CIAO2A: variants seen among roughly 807,000 people sequenced by gnomAD.
The protein encoded by CIAO2A is MIP18 family protein FAM96A.
In CIAO2A, 17 loss-of-function variants were observed where a neutral mutation model predicts 22.4. The observed-to-expected ratio is 0.76, with a 90% CI of 0.52 to 1.14. The LOEUF (loss-of-function observed/expected upper bound fraction) is 1.14. Ranked by LOEUF, CIAO2A falls within the 50% of genes most tolerant of loss-of-function variation. The pLI is 0.00. For missense variants in CIAO2A, 192 were observed against 191.4 expected (o/e 1.00, Z -0.02); for synonymous variants, 74 against 72.3 (o/e 1.02, Z -0.12).
At chr15:64,077,804 G>T (rs1446108571) in intron 3 of CIAO2A, among the ~76,000 whole-genome samples, 4 of 152,196 alleles carry the variant, frequency 2.6e-5, no homozygotes, top group Admixed American at 2.6e-4. Context: ...CAGGAGGAGG[G>T]ACCGCCATGA....
In CIAO2A at chr15:64,072,864, G is replaced by C; in HGVS notation, c.*67C>G. On this transcript the variant is annotated 3_prime_UTR_variant, in exon 5 of 5. Coordinates refer to ENST00000300030, the MANE Select transcript of CIAO2A (RefSeq NM_032231.7). ...ACCTATGTATTAAACATGAGTCTCT[G>C]ACATTATACAAAGAGTTTAAACAAA... is the stretch of plus-strand genomic sequence containing the variant. 9.5e-7 allele frequency: 1 copy of C among 1,052,266 alleles called. No homozygotes were observed. Among genetic ancestry groups the C allele is most frequent in the South Asian group, 1.4e-5 (1 of 72,408 alleles). The allele number at this position is 1,052,266 out of a possible 1,614,324, so 65.2% of individuals were successfully genotyped here. A position where few individuals can be genotyped will look rare whatever the true frequency, so the allele number is the denominator to read the frequency against.
At chr15:64,079,140 T>TA (rs376406917) in intron 3 of CIAO2A, among the ~76,000 whole-genome samples, 122 of 141,718 alleles carry the variant, frequency 8.6e-4, no homozygotes, top group East Asian at 7.2e-3. Context: ...ATACAAAAAA[T>TA]AAAAAAAAAA....
At chr15:64,090,701 T>G (rs1220681191) in intron 1 of CIAO2A, among the ~76,000 whole-genome samples, 2 of 152,194 alleles carry the variant, frequency 1.3e-5, no homozygotes, top group Non-Finnish European at 2.9e-5. Context: ...GTGCGTGCGC[T>G]GAAGCCAGCT....
At chr15:64,087,343 G>A (rs956772941) in intron 2 of CIAO2A, among the ~76,000 whole-genome samples, 8 of 151,794 alleles carry the variant, frequency 5.3e-5, no homozygotes, top group African/African-American at 1.2e-4. Context: ...TGCCCGCCTC[G>A]GCCACCTAAA....
Position 64,093,759 on chromosome 15 carries a change from C to T in CIAO2A, c.10G>A (p.Val4Met). The T allele has an allele frequency of 6.2e-7, 1 of 1,610,592 alleles. No individual in the cohort carries two copies. The change falls in exon 1 of 5, where the codon GTG (valine) becomes ATG (methionine). Residue 4 changes from valine to methionine, a missense_variant. By Grantham distance (21) the Val-to-Met change is conservative. Transcript: ENST00000300030. MQRVSGLLSWTLSR... is the reference protein window; with the variant it reads MQRMSGLLSWTLSR... ...AGCGTCCAGGAGAGCAGCCCGGACACCCGCTGCATCTTCACGCTCAGCCAT... is the reference window on the plus strand; with the variant it reads ...AGCGTCCAGGAGAGCAGCCCGGACATCCGCTGCATCTTCACGCTCAGCCAT...
Position 64,078,358 on chromosome 15 carries a change from G to C in CIAO2A, c.339+2744C>G, listed in dbSNP as rs2080733870. Among the ~76,000 whole-genome samples the C allele has an allele frequency of 2.0e-5, 3 of 152,208 alleles. No homozygotes were observed. In the South Asian group the frequency reaches 6.2e-4, roughly 32 times the overall value. On this transcript the variant is annotated intron_variant, in intron 3 of 4. Coordinates refer to ENST00000300030, the MANE Select transcript of CIAO2A (RefSeq NM_032231.7). Reference sequence around the variant, plus strand: ...CAAGAAGCTGACAGCTAGCTGGTCAGGCATGGTGGCTCATGCCTGTGATCC... The same window carrying C: ...CAAGAAGCTGACAGCTAGCTGGTCACGCATGGTGGCTCATGCCTGTGATCC...
intron 2 of CIAO2A, among the ~76,000 whole-genome samples, chr15:64,087,334 G>A (rs987239658): frequency 1.3e-5 from 2 of 151,758 alleles, no homozygotes; most frequent in African/African-American, 2.4e-5. Flanking sequence ...CTCGTGATCT[G>A]CCCGCCTCGG....
rs376153768 is a variant in CIAO2A at position 64,072,891 on chromosome 15, A to G, written c.*40T>C. 179 of 1,318,924 alleles carry G rather than the reference A, an allele frequency of 1.4e-4. 1 individual carries two copies. In the South Asian group the frequency reaches 1.5e-3, roughly 11 times the overall value. The allele number at this position is 1,318,924 out of a possible 1,614,324, so 81.7% of individuals were successfully genotyped here. On this transcript the variant is annotated 3_prime_UTR_variant, in exon 5 of 5. Coordinates refer to ENST00000300030, the MANE Select transcript of CIAO2A (RefSeq NM_032231.7). Reference sequence around the variant, plus strand: ...CATTATACAAAGAGTTTAAACAAATATATCAAACAATTACAGGCCAGTGGC... The same window carrying G: ...CATTATACAAAGAGTTTAAACAAATGTATCAAACAATTACAGGCCAGTGGC...
At chr15:64,089,789 GTA>G (rs558765683) in intron 1 of CIAO2A, among the ~76,000 whole-genome samples, 5 of 152,174 alleles carry the variant, frequency 3.3e-5, no homozygotes, top group Non-Finnish European at 7.3e-5. Flanking sequence ...GCCTAAAATA[GTA>G]TCTAGGACAA....
At chr15:64,079,457 T>C (rs1327759358) in intron 3 of CIAO2A, among the ~76,000 whole-genome samples, 4 of 152,110 alleles carry the variant, frequency 2.6e-5, no homozygotes, top group African/African-American at 9.7e-5. Flanking sequence ...GCCTCGGAGA[T>C]AGAGGCTGCA....
At chr15:64,087,337 C>G (rs990129251) in intron 2 of CIAO2A, among the ~76,000 whole-genome samples, 2 of 151,810 alleles carry the variant, frequency 1.3e-5, no homozygotes, top group Non-Finnish European at 2.9e-5. Context: ...GTGATCTGCC[C>G]GCCTCGGCCA....
chr15:64,089,960 A>T (rs1447686557), intron 1 of CIAO2A, among the ~76,000 whole-genome samples: 1 of 152,212 alleles, frequency 6.6e-6, no homozygotes. Flanking sequence ...TTAAAACAGC[A>T]TCAAAGCTAG....
At chr15:64,088,360 A>G (rs1329043340) in intron 2 of CIAO2A, among the ~76,000 whole-genome samples, 1 of 152,190 alleles carries the variant, frequency 6.6e-6, no homozygotes, top group Admixed American at 6.5e-5. Context: ...GGGCAGCCTG[A>G]CATAACTAAA....
At chr15:64,089,483 G>T (rs992177047) in intron 1 of CIAO2A, among the ~76,000 whole-genome samples, 10 of 150,504 alleles carry the variant, frequency 6.6e-5, no homozygotes, top group African/African-American at 2.5e-4. Flanking sequence ...CCGCACTCTA[G>T]GCTGGGCAAC....
At chr15:64,075,910 C>T (rs1310283230) in intron 3 of CIAO2A, among the ~76,000 whole-genome samples, 2 of 151,698 alleles carry the variant, frequency 1.3e-5, no homozygotes, top group African/African-American at 4.8e-5. Flanking sequence ...TGATCCGCCT[C>T]GGCTTCCCAA....
At chr15:64,076,959 G>T (rs1398134644) in intron 3 of CIAO2A, among the ~76,000 whole-genome samples, 2 of 152,098 alleles carry the variant, frequency 1.3e-5, no homozygotes, top group Admixed American at 1.3e-4. Flanking sequence ...GCCCATCTAG[G>T]CCTCCCAAAG....
intron 2 of CIAO2A, among the ~76,000 whole-genome samples, chr15:64,081,575 T>C (rs1394903327): frequency 6.9e-6 from 1 of 145,942 alleles, no homozygotes; most frequent in Non-Finnish European, 1.5e-5. Context: ...TCTTGAACTG[T>C]CGCCCAGGCT....
At chr15:64,087,248 T>C (rs139774283) in intron 2 of CIAO2A, among the ~76,000 whole-genome samples, 1,732 of 152,108 alleles carry the variant, frequency 0.011, 30 homozygotes, top group African/African-American at 0.04. Flanking sequence ...CCCGTCACCA[T>C]GCCTGGCTAA....
At chr15:64,089,185 C>T (rs2080820498) in intron 1 of CIAO2A, among the ~76,000 whole-genome samples, 1 of 152,138 alleles carries the variant, frequency 6.6e-6, no homozygotes, top group Non-Finnish European at 1.5e-5. Flanking sequence ...GAATCTGAAT[C>T]AAGCCTTGAA....
Sources: gnomAD v4.1 joint callset for allele counts (sites outside exome capture counted in the v4.1 genomes callset) on GRCh38, gnomAD v4.1.1 for gene constraint, MANE v1.5 for transcripts, NCBI Gene and HGNC (gene_info 2026-07-23, HGNC 2026-07-21) for gene names.